Variants in ARHGEF9 observed in about 807,000 individuals in gnomAD.
ARHGEF9 encodes rho guanine nucleotide exchange factor 9.
ARHGEF9 carries 2 observed loss-of-function variants against 41.3 expected under a neutral mutation model. That is an observed-to-expected ratio of 0.05 (90% CI 0.02 to 0.15). The LOEUF is 0.15. ARHGEF9 is among the 10% of genes least tolerant of loss of function. The pLI is 1.00. For missense variants in ARHGEF9, 225 were observed against 424.7 expected (o/e 0.53, Z 4.13); for synonymous variants, 160 against 154.4 (o/e 1.04, Z -0.27).
Position 63,637,143 on chromosome X carries a change from C to T in ARHGEF9, c.*885G>A, listed in dbSNP as rs781844590. The T allele has an allele frequency of 3.4e-6, 1 of 297,448 alleles. No individual in the cohort carries two copies. 24.5% of individuals were successfully genotyped at this position (297,448 alleles called of 1,213,427 possible). ...GAGAATAACTCGATCAAACTAACTC[C>T]TAGATGCAAAATTGCAACGACCCAG... On this transcript the variant is annotated 3_prime_UTR_variant, in exon 10 of 10. Coordinates refer to ENST00000671741, the MANE Select transcript of ARHGEF9 (RefSeq NM_001353921.2).
chrX:63,755,919 G>C, intron 1 of ARHGEF9: 3 of 699,075 alleles, frequency 4.3e-6, no homozygotes, highest in Non-Finnish European at 5.1e-6. Flanking sequence ...TACTATGAAG[G>C]GAAGCCAGCA....
chrX:63,736,633 T>C (rs1386225114), intron 1 of ARHGEF9, among the ~76,000 whole-genome samples: 1 of 112,231 alleles, frequency 8.9e-6, no homozygotes, highest in Non-Finnish European at 1.9e-5. Flanking sequence ...ACCAAGCCTA[T>C]AGTCTTAGAA....
intron 2 of ARHGEF9, chrX:63,713,256 C>T (rs1247053297): frequency 9.0e-6 from 1 of 111,053 alleles, no homozygotes; most frequent in East Asian, 2.9e-4. Context: ...GAACAATAGA[C>T]TCTCAGAGCT....
intron 4 of ARHGEF9, among the ~76,000 whole-genome samples, chrX:63,696,524 C>A (rs781971744): frequency 8.9e-6 from 1 of 111,890 alleles, no homozygotes; most frequent in Non-Finnish European, 1.9e-5. Context: ...TCCATGTGTT[C>A]TTTTCCTATT....
intron 6 of ARHGEF9, among the ~76,000 whole-genome samples, chrX:63,673,617 T>TA (rs1399450161): frequency 4.9e-4 from 52 of 106,062 alleles, no homozygotes; most frequent in South Asian, 4.1e-4. Context: ...GTATCACCGA[T>TA]AAAAAAAAAA....
At chrX:63,651,906 A>G (rs1301495412) in intron 8 of ARHGEF9, among the ~76,000 whole-genome samples, 1 of 106,880 alleles carries the variant, frequency 9.4e-6, no homozygotes, top group Non-Finnish European at 1.9e-5. Flanking sequence ...TAAGCATATG[A>G]AAAAAAAAAG....
chrX:63,737,044 T>C (rs2054652214), intron 1 of ARHGEF9: 1 of 111,734 alleles, frequency 8.9e-6, no homozygotes, highest in South Asian at 3.8e-4. Flanking sequence ...CACTGCTCTA[T>C]AGACATCATC....
intron 1 of ARHGEF9, among the ~76,000 whole-genome samples, chrX:63,740,643 G>A (rs1356305161): frequency 9.0e-6 from 1 of 111,618 alleles, no homozygotes; most frequent in Non-Finnish European, 1.9e-5. Context: ...TGGGCATGAG[G>A]CTGTTATAGT....
intron 1 of ARHGEF9, chrX:63,755,253 G>A (rs1262439612): frequency 5.5e-5 from 51 of 932,653 alleles, no homozygotes; most frequent in Non-Finnish European, 6.2e-5. Flanking sequence ...CGCTGCCCAG[G>A]GGCGGGACTT....
chrX:63,727,732 T>C (rs782421582), intron 1 of ARHGEF9: 1 of 112,146 alleles, frequency 8.9e-6, no homozygotes, highest in Non-Finnish European at 1.9e-5. Flanking sequence ...AGAGCGCTAT[T>C]ATGTCAGGCA....
chrX:63,662,121 T>C (rs1413342560), intron 7 of ARHGEF9, among the ~76,000 whole-genome samples: 4 of 111,876 alleles, frequency 3.6e-5, no homozygotes, highest in South Asian at 7.5e-4. Flanking sequence ...TCAGGCATTT[T>C]ATATGCATTG....
chrX:63,763,470 C>T (rs2056067263), intron 1 of ARHGEF9, among the ~76,000 whole-genome samples: 1 of 101,695 alleles, frequency 9.8e-6, no homozygotes, highest in Non-Finnish European at 2.0e-5. Flanking sequence ...CCTCCCTCCA[C>T]CCCGTGCTTC....
rs1267358073 is a variant in ARHGEF9 at position 63,721,670 on chromosome X, A to G, written c.210+2862T>C. On this transcript the variant is annotated intron_variant, in intron 2 of 9. Transcript: ENST00000671741. ...CACAGAGGTGGGATTTGCTACTTAG[A>G]GACACAATCATATCCTAGCAGTCTA... Among the ~76,000 whole-genome samples the G allele has an allele frequency of 6.3e-5, 7 of 111,412 alleles. 1 individual carries two copies. The highest frequency in any genetic ancestry group is 1.1e-4 in the Non-Finnish European group (6 of 53,084).
At chrX:63,755,519 G>A (rs1252547665) in intron 1 of ARHGEF9, among the ~76,000 whole-genome samples, 1 of 111,035 alleles carries the variant, frequency 9.0e-6, no homozygotes, top group Non-Finnish European at 1.9e-5. Context: ...GAGGAGGAAG[G>A]AGAAGAGAGG....
chrX:63,727,639 GT>G (rs1258108334), intron 1 of ARHGEF9: 1 of 111,674 alleles, frequency 9.0e-6, no homozygotes, highest in Non-Finnish European at 1.9e-5. Flanking sequence ...GGGAATACAG[GT>G]AGAAAAAATA....
At chrX:63,697,618 C>T (rs2051840690) in intron 3 of ARHGEF9, among the ~76,000 whole-genome samples, 1 of 111,350 alleles carries the variant, frequency 9.0e-6, no homozygotes, top group Non-Finnish European at 1.9e-5. Context: ...TTTCACAGGT[C>T]TTATTAGCTA....
intron 4 of ARHGEF9, among the ~76,000 whole-genome samples, chrX:63,687,243 C>T (rs1484974983): frequency 1.8e-5 from 2 of 111,650 alleles, no homozygotes; most frequent in African/African-American, 3.3e-5. Flanking sequence ...GGGATTCCTC[C>T]CCATCCAGGA....
At chrX:63,744,824 A>G (rs782419391) in intron 1 of ARHGEF9, among the ~76,000 whole-genome samples, 1 of 112,257 alleles carries the variant, frequency 8.9e-6, no homozygotes. Context: ...AGCTGGTTGC[A>G]TGCTCCAAAG....
chrX:63,729,054 A>C (rs1742285721), intron 1 of ARHGEF9, among the ~76,000 whole-genome samples: 1 of 111,860 alleles, frequency 8.9e-6, no homozygotes, highest in South Asian at 3.7e-4. Flanking sequence ...GGAAAAGAAA[A>C]AGGTCAAAGT....
Sources: allele counts gnomAD v4.1 joint callset (sites outside exome capture counted in the v4.1 genomes callset), GRCh38; gene constraint gnomAD v4.1.1; transcripts MANE v1.5; gene names NCBI Gene and HGNC (gene_info 2026-07-23, HGNC 2026-07-21).